SDK1: variants seen among roughly 807,000 people sequenced by gnomAD.
The protein encoded by SDK1 is sidekick cell adhesion molecule 1.
A neutral mutation model predicts 245.5 loss-of-function variants in SDK1; 157 were observed. That is an observed-to-expected ratio of 0.64 (90% CI 0.56 to 0.73). The LOEUF (loss-of-function observed/expected upper bound fraction) is 0.73, where lower values mean the gene tolerates loss of function less well. Among genes scored for constraint, SDK1 ranks in the 30% least tolerant of loss-of-function variants. The pLI is 0.00. For missense variants in SDK1, 3,583 were observed against 3,002.3 expected (o/e 1.19, Z -4.52); for synonymous variants, 1,647 against 1,278.5 (o/e 1.29, Z -6.15).
At chr7:3,474,460 C>T (rs1781287133) in intron 1 of SDK1, among the ~76,000 whole-genome samples, 1 of 152,008 alleles carries the variant, frequency 6.6e-6, no homozygotes, top group African/African-American at 2.4e-5. Flanking sequence ...AGTATCTCAC[C>T]ACTCAGTCTC....
intron 40 of SDK1, 140 bp downstream of exon 40, chr7:4,221,504 A>G: frequency 9.4e-7 from 1 of 1,065,170 alleles, no homozygotes; most frequent in Admixed American, 2.4e-5. Flanking sequence ...TTTTGGTGAA[A>G]GAAGACATCC....
intron 20 of SDK1, among the ~76,000 whole-genome samples, chr7:4,072,945 C>T (rs1035222177): frequency 2.0e-5 from 3 of 152,252 alleles, no homozygotes; most frequent in Admixed American, 6.5e-5. Flanking sequence ...TTGTAAATTT[C>T]AGCGTCCTCC....
At chr7:4,161,895 G>C in intron 32 of SDK1, 39 bp downstream of exon 32, 3 of 1,565,900 alleles carry the variant, frequency 1.9e-6, no homozygotes, top group Non-Finnish European at 1.8e-6. Context: ...TGTCAAATGT[G>C]TTCTCATTTC....
chr7:3,795,367 T>C (rs1168107114), intron 4 of SDK1, among the ~76,000 whole-genome samples: 1 of 152,160 alleles, frequency 6.6e-6, no homozygotes, highest in Non-Finnish European at 1.5e-5. Flanking sequence ...TGGCACCTCC[T>C]GCAGTATTGC....
At chr7:3,697,620 T>G (rs1458168127) in intron 4 of SDK1, among the ~76,000 whole-genome samples, 1 of 152,214 alleles carries the variant, frequency 6.6e-6, no homozygotes, top group East Asian at 1.9e-4. Context: ...TCCCCAAATC[T>G]GAATTTTGCC....
chr7:3,898,917 T>G (rs1473140415), intron 5 of SDK1, among the ~76,000 whole-genome samples: 1 of 152,238 alleles, frequency 6.6e-6, no homozygotes, highest in Non-Finnish European at 1.5e-5. Context: ...TTTAAATAAA[T>G]GTATTTTTAG....
chr7:3,516,219 A>C (rs1782745686), intron 1 of SDK1, among the ~76,000 whole-genome samples: 1 of 151,678 alleles, frequency 6.6e-6, no homozygotes, highest in Admixed American at 6.6e-5. Flanking sequence ...TAACATATAG[A>C]GGTTATATAT....
intron 8 of SDK1, among the ~76,000 whole-genome samples, 161 bp from the exon 9 acceptor site, chr7:3,962,496 T>C (rs901708629): frequency 5.9e-5 from 9 of 152,198 alleles, no homozygotes; most frequent in Non-Finnish European, 2.9e-5. Flanking sequence ...GATGGCTTCA[T>C]CTACAACGAG....
At chr7:4,121,983 T>G (rs1360895628) in intron 25 of SDK1, among the ~76,000 whole-genome samples, 1 of 152,186 alleles carries the variant, frequency 6.6e-6, no homozygotes, top group Non-Finnish European at 1.5e-5. Flanking sequence ...TGTGGATGAT[T>G]CAGATTCTGG....
rs556496989 is a variant in SDK1, at chr7:3,586,686, C to G, written c.299-32394C>G. Among the ~76,000 whole-genome samples, 6 of 143,712 alleles carry G rather than the reference C, an allele frequency of 4.2e-5. No individual in the cohort carries two copies. In the South Asian group the frequency reaches 1.1e-3, roughly 26 times the overall value. The allele number at this position is 143,712 out of a possible 152,430, so 94.3% of individuals were successfully genotyped here. A position where few individuals can be genotyped will look rare whatever the true frequency, so the allele number is the denominator to read the frequency against. The stretch of plus-strand genomic sequence containing the variant: ...TGCCACTGCACTCCAGCCTGGGCGA[C>G]TGAGCAAGACTCCGTCTCAAAAAAA... On this transcript the variant is annotated intron_variant, in intron 1 of 44. Transcript: ENST00000404826.
rs754180345 is a variant in SDK1 at position 4,017,304 on chromosome 7, G to T, written c.2554G>T (p.Gly852Cys). ...EIQVAAYNGA[G>C]LGVFSRAVTE... ...ACAGGTGGCGGCGTACAACGGGGCC[G>T]GTCTGGGCGTCTTCAGCAGGGCAGT... is the stretch of plus-strand genomic sequence containing the variant. The change falls in exon 17 of 45, where the codon GGT (glycine) becomes TGT (cysteine). Residue 852 changes from glycine to cysteine, a missense_variant. Transcript: ENST00000404826. 1.2e-6 allele frequency: 2 copies of T among 1,613,766 alleles called. No individual in the cohort carries two copies. Among genetic ancestry groups the T allele is most frequent in the Non-Finnish European group, 1.7e-6 (2 of 1,179,806 alleles).
At chr7:3,686,799 A>G (rs1201047861) in intron 4 of SDK1, among the ~76,000 whole-genome samples, 1 of 152,164 alleles carries the variant, frequency 6.6e-6, no homozygotes, top group African/African-American at 2.4e-5. Flanking sequence ...TATGGAAAGC[A>G]TTTAGTTAAT....
intron 1 of SDK1, among the ~76,000 whole-genome samples, chr7:3,392,679 T>C (rs1025159499): frequency 6.6e-6 from 1 of 152,204 alleles, no homozygotes; most frequent in Admixed American, 6.5e-5. Context: ...TTGTCTACTC[T>C]AGGTATTTAT....
intron 5 of SDK1, among the ~76,000 whole-genome samples, chr7:3,884,165 C>T (rs1024001874): frequency 6.6e-6 from 1 of 151,476 alleles, no homozygotes; most frequent in Non-Finnish European, 1.5e-5. Flanking sequence ...GCTGCAGCCT[C>T]GACCTCCTGG....
chr7:3,411,544 TAATTAGAGATCAGTTACA>T (rs1191610050), intron 1 of SDK1, among the ~76,000 whole-genome samples: 2 of 152,184 alleles, frequency 1.3e-5, no homozygotes, highest in Non-Finnish European at 2.9e-5. Context: ...TTTGTCAGCT[TAATTAGAGATCAGTTACA>T]AACTTGGCTA....
chr7:4,111,583 C>T (rs1783354263), intron 23 of SDK1, among the ~76,000 whole-genome samples: 1 of 151,288 alleles, frequency 6.6e-6, no homozygotes, highest in Non-Finnish European at 1.5e-5. Context: ...TAACATCCTT[C>T]AGGAGCTTAG....
chr7:4,253,232 G>T (rs925630998), intron 44 of SDK1, among the ~76,000 whole-genome samples: 2 of 152,044 alleles, frequency 1.3e-5, no homozygotes, highest in African/African-American at 4.8e-5. Flanking sequence ...TTGTTGATTT[G>T]AGATCTTTCT....
intron 1 of SDK1, chr7:3,337,843 G>C (rs1780243500): frequency 6.6e-6 from 1 of 152,132 alleles, no homozygotes; most frequent in Non-Finnish European, 1.5e-5. Flanking sequence ...TTGCATGAAG[G>C]AAAACAAGTT....
At position 3,339,867 on chromosome 7, in the gene SDK1, C is replaced by T. The variant is rs114251134; in HGVS notation, c.298+37983C>T. ...AGCAAGCAGAACGAAGAGCAGAAGT[C>T]AGTGAAATTGAAAAGAGGAAAAAGA... is the stretch of plus-strand genomic sequence containing the variant. On this transcript the variant is annotated intron_variant, in intron 1 of 44. Coordinates refer to ENST00000404826, the MANE Select transcript of SDK1 (RefSeq NM_152744.4). Among the ~76,000 whole-genome samples the T allele has an allele frequency of 6.3e-3, 962 of 151,798 alleles. 11 individuals carry two copies. The highest frequency in any genetic ancestry group is 0.022 in the African/African-American group (912 of 41,402).
Sources: gnomAD v4.1 joint callset for allele counts (sites outside exome capture counted in the v4.1 genomes callset) on GRCh38, gnomAD v4.1.1 for gene constraint, MANE v1.5 for transcripts, NCBI Gene and HGNC (gene_info 2026-07-23, HGNC 2026-07-21) for gene names.